The following MYOM2 variants were observed in gnomAD, a reference collection of about 807,000 sequenced individuals.
The protein encoded by MYOM2 is myomesin 2, also known as myomesin-2.
A neutral mutation model predicts 187.6 loss-of-function variants in MYOM2; 254 were observed. The ratio of observed to expected loss-of-function variants is 1.35; its 90% CI spans 1.22 to 1.50. MYOM2 has a LOEUF of 1.50. Among genes scored for constraint, MYOM2 ranks in the 40% most tolerant of loss-of-function variants. The probability of loss-of-function intolerance (pLI) is 0.00; values close to 1 mark genes in which losing one functional copy is unlikely to be tolerated. For synonymous variants in MYOM2, 981 were observed against 753.8 expected (o/e 1.30, Z -4.94); for missense variants, 2,796 against 1,924.0 (o/e 1.45, Z -8.48).
chr8:2,061,734 T>C (rs1031277304), intron 6 of MYOM2, among the ~76,000 whole-genome samples: 2 of 152,202 alleles, frequency 1.3e-5, no homozygotes, highest in African/African-American at 4.8e-5. Context: ...ATAATTGAGA[T>C]TGAAATTTGC....
chr8:2,082,896 G>A (rs561917809), intron 13 of MYOM2, among the ~76,000 whole-genome samples: 3 of 152,158 alleles, frequency 2.0e-5, no homozygotes, highest in Non-Finnish European at 2.9e-5. Context: ...TCCTGGGGAG[G>A]TTGTAGTTTC....
chr8:2,133,079 T>C (rs1797932751), intron 32 of MYOM2, among the ~76,000 whole-genome samples: 1 of 152,158 alleles, frequency 6.6e-6, no homozygotes, highest in Admixed American at 6.5e-5. Flanking sequence ...GCTCCAGGTA[T>C]GTGCAGTCCC....
At chr8:2,064,013 G>T (rs562184759) in intron 6 of MYOM2, among the ~76,000 whole-genome samples, 7 of 152,226 alleles carry the variant, frequency 4.6e-5, no homozygotes, top group Non-Finnish European at 8.8e-5. Flanking sequence ...CCTGTGTGGG[G>T]CCTCGGGAAG....
intron 25 of MYOM2, among the ~76,000 whole-genome samples, chr8:2,110,364 G>C (rs1007013561): frequency 6.6e-6 from 1 of 152,304 alleles, no homozygotes; most frequent in East Asian, 1.9e-4. Flanking sequence ...TCACGGTCCA[G>C]ACACCGCCTC....
intron 6 of MYOM2, among the ~76,000 whole-genome samples, chr8:2,065,733 A>G (rs1223932815): frequency 1.3e-5 from 2 of 152,186 alleles, no homozygotes; most frequent in African/African-American, 4.8e-5. Context: ...TTACCTTGAC[A>G]TCTCAGAATA....
intron 24 of MYOM2, among the ~76,000 whole-genome samples, 176 bp downstream of exon 24, chr8:2,109,006 C>G (rs1388563220): frequency 1.3e-5 from 2 of 152,180 alleles, no homozygotes; most frequent in African/African-American, 4.8e-5. Context: ...TATATTATAG[C>G]TTGTTGAAAC....
intron 14 of MYOM2, 60 bp downstream of exon 14, chr8:2,085,450 A>C (rs1819789732): frequency 2.5e-6 from 4 of 1,580,768 alleles, no homozygotes; most frequent in South Asian, 2.3e-5. Context: ...CACTGTCATG[A>C]TCTCTGCGTG....
chr8:2,106,479 C>T lies in MYOM2; in HGVS notation c.2892-12C>T, dbSNP rs756359174. 1.2e-6 allele frequency: 2 copies of T among 1,610,788 alleles called. No individual in the cohort carries two copies. Among genetic ancestry groups the T allele is most frequent in the South Asian group, 2.2e-5 (2 of 91,002 alleles). ...AAATGATCGACATTCACCTACTCTTCTTCCTTTTTAGCTCCAAGCTGTACT... is the reference window on the plus strand; with the variant it reads ...AAATGATCGACATTCACCTACTCTTTTTCCTTTTTAGCTCCAAGCTGTACT... On this transcript the variant is annotated splice_polypyrimidine_tract_variant and intron_variant, in intron 22 of 36. Coordinates refer to ENST00000262113, the MANE Select transcript of MYOM2 (RefSeq NM_003970.4).
chr8:2,106,263 G>C lies in MYOM2; in HGVS notation c.2756G>C (p.Gly919Ala). Residue 919 changes from glycine (G) to alanine (A), a missense_variant, in exon 22 of 37, where the codon GGT becomes GCT. Coordinates refer to ENST00000262113, the MANE Select transcript of MYOM2 (RefSeq NM_003970.4). ...ARPGTKEISAGVDEQGNIYLG... is the reference protein window; with the variant it reads ...ARPGTKEISAAVDEQGNIYLG... ...GCAGGCACCAAGGAAATCAGTGCTGGTGTCGATGAACAAGGCAACATCTAT... is the reference window on the plus strand; with the variant it reads ...GCAGGCACCAAGGAAATCAGTGCTGCTGTCGATGAACAAGGCAACATCTAT... The C allele has an allele frequency of 6.2e-7, 1 of 1,614,170 alleles. No homozygotes were observed. Among genetic ancestry groups the C allele is most frequent in the South Asian group, 1.1e-5 (1 of 91,074 alleles).
At chr8:2,047,327 C>A (rs1042688631) in intron 1 of MYOM2, among the ~76,000 whole-genome samples, 1 of 152,134 alleles carries the variant, frequency 6.6e-6, no homozygotes, top group Non-Finnish European at 1.5e-5. Flanking sequence ...GAAGTTCTAA[C>A]ATAGGAAGTC....
chr8:2,107,507 G>A (rs1421765398), intron 23 of MYOM2, among the ~76,000 whole-genome samples: 1 of 152,156 alleles, frequency 6.6e-6, no homozygotes, highest in Non-Finnish European at 1.5e-5. Flanking sequence ...CCCAGGATCG[G>A]TGCTGTGGGC....
rs1248766644 is a variant in MYOM2, at chr8:2,057,706, C to T, written c.486C>T (p.Ser162=). The T allele has an allele frequency of 1.2e-6, 2 of 1,613,990 alleles. No individual in the cohort carries two copies. The highest frequency in any genetic ancestry group is 2.2e-5 in the South Asian group (2 of 91,084). The change falls in exon 5 of 37, where the codon TCC becomes TCT. Residue 162 remains serine, a synonymous_variant. Coordinates refer to ENST00000262113, the MANE Select transcript of MYOM2 (RefSeq NM_003970.4). Reference sequence around the variant, plus strand: ...CTGAGATCCTGGTGCGGCTGCGATCCCACACCGTCTGGGAGAGGATGTCTG... The same window carrying T: ...CTGAGATCCTGGTGCGGCTGCGATCTCACACCGTCTGGGAGAGGATGTCTG... ...RAPEILVRLR[S]HTVWERMSVK...
At position 2,078,630 on chromosome 8, in the gene MYOM2, T is replaced by C. The variant is rs17064664; in HGVS notation, c.1263-104T>C. 2.8e-3 allele frequency: 2,877 copies of C among 1,030,152 alleles called. 58 individuals are homozygous for C. In the African/African-American group the frequency reaches 0.04, roughly 14 times the overall value. 63.8% of individuals were successfully genotyped at this position (1,030,152 alleles called of 1,614,324 possible). A position where few individuals can be genotyped will look rare whatever the true frequency, so the allele number is the denominator to read the frequency against. ...GCAAAGATTTTACTGGCGTGAGATA[T>C]TGTCCTGTTATAATCAGTGTGTGCA... On this transcript the variant is annotated intron_variant, in intron 11 of 36. Transcript: ENST00000262113.
intron 21 of MYOM2, among the ~76,000 whole-genome samples, chr8:2,104,694 G>C (rs1796834048): frequency 6.6e-6 from 1 of 152,110 alleles, no homozygotes; most frequent in Non-Finnish European, 1.5e-5. Context: ...TGCTGTGGTG[G>C]CTCCGGCAGC....
At chr8:2,095,572 A>G (rs1790415218) in intron 17 of MYOM2, among the ~76,000 whole-genome samples, 1 of 152,174 alleles carries the variant, frequency 6.6e-6, no homozygotes, top group South Asian at 2.1e-4. Context: ...GACTACAGGC[A>G]TGAGCCACCG....
intron 6 of MYOM2, among the ~76,000 whole-genome samples, chr8:2,059,851 T>C (rs1296829902): frequency 6.6e-6 from 1 of 151,494 alleles, no homozygotes; most frequent in African/African-American, 2.4e-5. Context: ...CAAGCGATTC[T>C]CCTGCCTCAG....
intron 16 of MYOM2, among the ~76,000 whole-genome samples, chr8:2,093,285 C>T (rs950718936): frequency 7.9e-5 from 12 of 152,060 alleles, no homozygotes; most frequent in African/African-American, 2.4e-4. Flanking sequence ...GCAGAAAGAT[C>T]GATCAGAATA....
At chr8:2,073,004 G>C (rs1047066957) in intron 9 of MYOM2, among the ~76,000 whole-genome samples, 1 of 152,192 alleles carries the variant, frequency 6.6e-6, no homozygotes, top group Admixed American at 6.5e-5. Flanking sequence ...CCACGGGCGG[G>C]GGGAAGCCGG....
In MYOM2 at chr8:2,144,743, T is replaced by A. The variant is rs1051732986; in HGVS notation, c.4160T>A (p.Leu1387His). Residue 1387 changes from leucine to histidine, a missense_variant, in exon 37 of 37, where the codon CTC becomes CAC. By Grantham distance (99) the Leu-to-His change is moderately conservative. Coordinates refer to ENST00000262113, the MANE Select transcript of MYOM2 (RefSeq NM_003970.4). ...IWFKNDQDIQLSEHFSVKVEQ... is the reference protein window; with the variant it reads ...IWFKNDQDIQHSEHFSVKVEQ... The stretch of plus-strand genomic sequence containing the variant: ...TTCAAGAACGACCAGGACATCCAGC[T>A]CAGCGAGCACTTCTCGGTGAAGGTG... The A allele has an allele frequency of 2.5e-6, 4 of 1,613,126 alleles. No individual in the cohort carries two copies. The highest frequency in any genetic ancestry group is 3.4e-6 in the Non-Finnish European group (4 of 1,179,880).
Sources: gnomAD v4.1 joint callset for allele counts (sites outside exome capture counted in the v4.1 genomes callset) on GRCh38, gnomAD v4.1.1 for gene constraint, MANE v1.5 for transcripts, NCBI Gene and HGNC (gene_info 2026-07-23, HGNC 2026-07-21) for gene names.